The following DMD variants were observed in gnomAD, a reference collection of about 807,000 sequenced individuals.
DMD encodes mutant dystrophin.
In DMD, 63 loss-of-function variants were observed where a neutral mutation model predicts 330.1. The observed-to-expected ratio is 0.19, with a 90% CI of 0.16 to 0.24. The LOEUF is 0.24. DMD is among the 10% of genes least tolerant of loss of function. The pLI, the probability that DMD is intolerant of heterozygous loss-of-function variation, is 1.00. For synonymous variants in DMD, 1,223 were observed against 959.8 expected (o/e 1.27, Z -5.07); for missense variants, 3,344 against 2,684.1 (o/e 1.25, Z -5.43).
chrX:32,270,769 T>C (rs901536747), intron 43 of DMD, among the ~76,000 whole-genome samples: 1 of 111,642 alleles, frequency 9.0e-6, no homozygotes, highest in African/African-American at 3.3e-5. Flanking sequence ...ATGAGACACA[T>C]AGATCAGACA....
At chrX:31,819,608 C>A (rs1468499731) in intron 50 of DMD, among the ~76,000 whole-genome samples, 1 of 112,940 alleles carries the variant, frequency 8.9e-6, no homozygotes, top group Non-Finnish European at 1.9e-5. Context: ...AGGGCCAGGC[C>A]CACTGCCTGC....
At chrX:33,024,689 G>A (rs1174704051) in intron 1 of DMD, among the ~76,000 whole-genome samples, 4 of 111,235 alleles carry the variant, frequency 3.6e-5, no homozygotes, top group Non-Finnish European at 3.8e-5. Context: ...TATAAATGTG[G>A]GATATATTAA....
chrX:31,250,434 T>G (rs1333899447), intron 63 of DMD, among the ~76,000 whole-genome samples: 1 of 111,620 alleles, frequency 9.0e-6, no homozygotes, highest in East Asian at 2.8e-4. Flanking sequence ...GGCAAAACAT[T>G]AAACCGCATA....
intron 60 of DMD, among the ~76,000 whole-genome samples, chrX:31,431,474 A>C (rs1246438865): frequency 9.1e-6 from 1 of 110,433 alleles, no homozygotes; most frequent in Non-Finnish European, 1.9e-5. Flanking sequence ...CTTGGCTCAC[A>C]GCAACCTCCG....
At chrX:32,000,276 T>A (rs745702849) in intron 44 of DMD, among the ~76,000 whole-genome samples, 2 of 112,255 alleles carry the variant, frequency 1.8e-5, no homozygotes, top group East Asian at 5.6e-4. Flanking sequence ...CTTCAATGCC[T>A]TCTAAAACAT....
chrX:31,448,111 G>C (rs941802943), intron 59 of DMD, among the ~76,000 whole-genome samples: 1 of 110,504 alleles, frequency 9.0e-6, no homozygotes, highest in Non-Finnish European at 1.9e-5. Context: ...GCTTTGACTG[G>C]TGTGAGGTCA....
intron 50 of DMD, among the ~76,000 whole-genome samples, chrX:31,805,862 T>G (rs753235808): frequency 3.6e-5 from 4 of 112,510 alleles, no homozygotes; most frequent in Non-Finnish European, 7.5e-5. Flanking sequence ...ATTCCCTTTA[T>G]TAGCTACAAG....
chrX:31,257,888 C>T (rs1361192402), intron 63 of DMD, among the ~76,000 whole-genome samples: 7 of 111,670 alleles, frequency 6.3e-5, no homozygotes, highest in East Asian at 2.8e-4. Context: ...CGGAGGTTGC[C>T]GTGAGCCAAG....
chrX:32,422,141 T>A (rs7066496), intron 29 of DMD, among the ~76,000 whole-genome samples: 16,279 of 110,721 alleles, frequency 0.15, 998 homozygotes, highest in African/African-American at 0.21. Context: ...TGAGCAGTGG[T>A]TGGGCAAGAA....
intron 55 of DMD, among the ~76,000 whole-genome samples, chrX:31,585,879 G>A (rs993569207): frequency 2.7e-5 from 3 of 110,933 alleles, no homozygotes; most frequent in African/African-American, 9.8e-5. Context: ...GTCTTCAGTG[G>A]CAAAAGCCAA....
rs755064977 is a variant in DMD at position 31,191,936 on chromosome X, G to A, written c.9808-9032C>T. 7.1e-5 allele frequency among the ~76,000 whole-genome samples: 8 copies of A among 112,423 alleles called. No individual in the cohort carries two copies. The South Asian group carries it at 2.9e-3, about 41-fold the overall frequency. ...AAAGCCTTAGCATTTGGAAAGATTT[G>A]CTGAATTTAAATTTATAAAAACTGT... On this transcript the variant is annotated intron_variant, in intron 67 of 78. Transcript: ENST00000357033.
chrX:32,366,801 A>G, intron 34 of DMD, among the ~76,000 whole-genome samples: 1 of 112,285 alleles, frequency 8.9e-6, no homozygotes, highest in Middle Eastern at 4.6e-3. Context: ...TGAGGAAACA[A>G]TGTATAAAAA....
intron 11 of DMD, among the ~76,000 whole-genome samples, chrX:32,640,965 C>A (rs1038625627): frequency 1.1e-4 from 12 of 111,667 alleles, no homozygotes; most frequent in African/African-American, 3.9e-4. Context: ...ACTTACCACC[C>A]TGCAACTCTA....
At chrX:31,225,679 C>T (rs2404502) in intron 63 of DMD, among the ~76,000 whole-genome samples, 32,276 of 110,790 alleles carry the variant, frequency 0.29, 4,227 homozygotes, top group African/African-American at 0.5. Context: ...TTCCTAGGCC[C>T]CACCTCCAGA....
At chrX:31,791,751 G>A (rs910541068) in intron 50 of DMD, among the ~76,000 whole-genome samples, 2 of 111,011 alleles carry the variant, frequency 1.8e-5, no homozygotes, top group African/African-American at 3.3e-5. Flanking sequence ...TAATGTCTAC[G>A]ATCACAATCT....
At chrX:32,303,131 TTA>T (rs1270418514) in intron 42 of DMD, among the ~76,000 whole-genome samples, 1 of 111,935 alleles carries the variant, frequency 8.9e-6, no homozygotes, top group African/African-American at 3.2e-5. Flanking sequence ...TTCTTCATGC[TTA>T]TATGCATATA....
chrX:32,178,507 C>A (rs759905437), intron 44 of DMD, among the ~76,000 whole-genome samples: 2 of 109,642 alleles, frequency 1.8e-5, no homozygotes, highest in East Asian at 5.7e-4. Context: ...TATCAAAAAT[C>A]TTGAATACAC....
In DMD at chrX:32,880,367, G is replaced by A. The variant is rs141028772; in HGVS notation, c.94-30547C>T. On this transcript the variant is annotated intron_variant, in intron 2 of 78. Coordinates refer to ENST00000357033, the MANE Select transcript of DMD (RefSeq NM_004006.3). ...TATAAAAGATGTTTAATCAATGTTT[G>A]GAAGAGATGGACTTGAATGGCCTGT... Among the ~76,000 whole-genome samples, 438 of 108,864 alleles carry A rather than the reference G, an allele frequency of 4.0e-3. 8 individuals are homozygous for A. The East Asian group carries it at 0.062, about 15-fold the overall frequency. The allele number at this position is 108,864 out of a possible 115,157, so 94.5% of individuals were successfully genotyped here.
chrX:31,893,765 G>A (rs2094292464), intron 47 of DMD, among the ~76,000 whole-genome samples: 1 of 111,032 alleles, frequency 9.0e-6, no homozygotes, highest in African/African-American at 3.3e-5. Flanking sequence ...GGAAGGGACA[G>A]TAACTAACAG....
Sources: allele counts gnomAD v4.1 joint callset (sites outside exome capture counted in the v4.1 genomes callset), GRCh38; gene constraint gnomAD v4.1.1; transcripts MANE v1.5; gene names NCBI Gene and HGNC (gene_info 2026-07-23, HGNC 2026-07-21).